Variants in SRSF8 observed in about 807,000 individuals in gnomAD.
SRSF8 encodes the protein serine and arginine rich splicing factor 8, also known as serine/arginine-rich splicing factor 8.
In SRSF8, 3 loss-of-function variants were observed where a neutral mutation model predicts 2.0. The observed-to-expected ratio is 1.47, with a 90% CI of 0.67 to 3.79. The LOEUF is 3.79. SRSF8 is among the 30% of genes most tolerant of loss of function. The pLI is 0.02. For missense variants in SRSF8, 408 were observed against 410.9 expected, an observed-to-expected ratio of 0.99 and a Z score of 0.06; for synonymous variants, 162 against 170.7, an observed-to-expected ratio of 0.95 and a Z score of 0.40.
chr11:95,067,557 G>C lies in SRSF8; in HGVS notation c.331G>C (p.Gly111Arg), dbSNP rs963177746. 8 of 1,541,260 alleles carry C rather than the reference G, an allele frequency of 5.2e-6. No homozygotes were observed. Among genetic ancestry groups the C allele is most frequent in the African/African-American group, 1.4e-5 (1 of 72,658 alleles). The change falls in exon 1 of 1, where the codon GGC becomes CGC. Residue 111 changes from glycine (G) to arginine (R), a missense_variant. Physicochemically the swap from Gly to Arg is moderately radical, Grantham distance 125 (BLOSUM62 -2). Transcript: ENST00000587424. Reference protein sequence around the residue: ...RQGEPRGRSRGGGYGRRSRSY... With the variant: ...RQGEPRGRSRRGGYGRRSRSY... ...GGGAGAGCCACGCGGCAGGTCCAGA[G>C]GCGGCGGCTACGGACGGCGGAGCCG...
In SRSF8 at chr11:95,069,513, T is replaced by G. The variant is rs1555107451; in HGVS notation, c.*1438T>G. ...ATTTATTCTTTCAATCATATGGATC[T>G]TCATTAATATTTTTGACTGAATTAT... On this transcript the variant is annotated 3_prime_UTR_variant, in exon 1 of 1. Transcript: ENST00000587424. 6.0e-6 allele frequency: 1 copy of G among 167,046 alleles called. No homozygotes were observed. Among genetic ancestry groups the G allele is most frequent in the East Asian group, 1.9e-4 (1 of 5,208 alleles). 10.3% of individuals were successfully genotyped at this position (167,046 alleles called of 1,614,324 possible).
chr11:95,067,658 C>T lies in SRSF8; in HGVS notation c.432C>T (p.Ser144=), dbSNP rs1858671133. ...CCCGGGGTCCCAGCTGCTCCAGGTC[C>T]CGCAGCCGATCTCGCTATAGGGGTT... The part of the protein sequence containing the change: ...SRSRGPSCSR[S]RSRSRYRGSR... The change falls in exon 1 of 1, where the codon TCC becomes TCT. Residue 144 remains serine (S), a synonymous_variant. Transcript: ENST00000587424. The T allele has an allele frequency of 3.7e-6, 6 of 1,609,570 alleles. No homozygotes were observed. Among genetic ancestry groups the T allele is most frequent in the Non-Finnish European group, 5.1e-6 (6 of 1,177,982 alleles).
rs782055211 is a variant in SRSF8 at position 95,067,475 on chromosome 11, C to G, written c.249C>G (p.Arg83=). 29 of 1,474,940 alleles carry G rather than the reference C, an allele frequency of 2.0e-5. No homozygotes were observed. In the South Asian group the frequency reaches 2.9e-4, roughly 15 times the overall value. The allele number at this position is 1,474,940 out of a possible 1,614,324, so 91.4% of individuals were successfully genotyped here. A position where few individuals can be genotyped will look rare whatever the true frequency, so the allele number is the denominator to read the frequency against. ...TGGACGGGGCGGAGCTGGACGGACG[C>G]GAGCTGCGGGTGCAGGTGGCGCGCT... ...AAMDGAELDG[R]ELRVQVARYG... The change falls in exon 1 of 1, where the codon CGC becomes CGG. Residue 83 remains arginine, a synonymous_variant. Coordinates refer to ENST00000587424, the MANE Select transcript of SRSF8 (RefSeq NM_032102.4).
Position 95,067,441 on chromosome 11 carries a change from AGGCCGCCATGGACGG to A in SRSF8, c.219_233del (p.Ala74_Ala78del). On this transcript the variant is annotated inframe_deletion, in exon 1 of 1. Transcript: ENST00000587424. Reference sequence around the variant, plus strand: ...GACCGGCGCGACGCCCAAGACGCCGAGGCCGCCATGGACGGGGCGGAGCTGGACGGACGCGAGCTG... The same window carrying A: ...GACCGGCGCGACGCCCAAGACGCCGAGGCGGAGCTGGACGGACGCGAGCTG... The A allele has an allele frequency of 6.5e-7, 1 of 1,540,390 alleles. No individual in the cohort carries two copies. Among genetic ancestry groups the A allele is most frequent in the Non-Finnish European group, 8.7e-7 (1 of 1,143,806 alleles).
Position 95,067,086 on chromosome 11 carries a change from C to G in SRSF8, c.-141C>G. The G allele has an allele frequency of 1.2e-6, 1 of 804,680 alleles. No homozygotes were observed. Among genetic ancestry groups the G allele is most frequent in the Admixed American group, 4.0e-5 (1 of 25,222 alleles). 49.8% of individuals were successfully genotyped at this position (804,680 alleles called of 1,614,324 possible). On this transcript the variant is annotated 5_prime_UTR_variant, in exon 1 of 1. Transcript: ENST00000587424. ...GGAAGTTGCTGCTCCAGGGCGCTCCCTGCGGAGCTCCGCCGCCCGCCTCTC... is the reference window on the plus strand; with the variant it reads ...GGAAGTTGCTGCTCCAGGGCGCTCCGTGCGGAGCTCCGCCGCCCGCCTCTC...
Position 95,068,135 on chromosome 11 carries a change from C to CA in SRSF8, c.*61dup. On this transcript the variant is annotated 3_prime_UTR_variant, in exon 1 of 1. Transcript: ENST00000587424. ...ACTTGGGGGAAAAGGATCACATACTCAGTCTATGGAAGCAACGTCCCTGGA... is the reference window on the plus strand; with the variant it reads ...ACTTGGGGGAAAAGGATCACATACTCAAGTCTATGGAAGCAACGTCCCTGGA... 6.7e-7 allele frequency: 1 copy of CA among 1,496,282 alleles called. No homozygotes were observed. 92.7% of individuals were successfully genotyped at this position (1,496,282 alleles called of 1,614,324 possible). A position where few individuals can be genotyped will look rare whatever the true frequency, so the allele number is the denominator to read the frequency against.
Position 95,067,874 on chromosome 11 carries a change from T to C in SRSF8, c.648T>C (p.Thr216=), listed in dbSNP as rs573470678. 168 of 1,614,022 alleles carry C rather than the reference T, an allele frequency of 1.0e-4. No individual in the cohort carries two copies. In the East Asian group the frequency reaches 3.5e-3, roughly 34 times the overall value. The change falls in exon 1 of 1, where the codon ACT becomes ACC. Residue 216 remains threonine (T), a synonymous_variant. Transcript: ENST00000587424. ...SRSHSKSGSS[T]SSRSASTSKS... is the part of the protein sequence containing the mutation. The stretch of plus-strand genomic sequence containing the variant: ...CTCACTCGAAGTCTGGGTCCTCCAC[T>C]AGCTCTCGCTCTGCATCAACCTCCA...
rs1555107400 is a variant in SRSF8, at chr11:95,069,023, TTTGA to T, written c.*951_*954del. 1 of 166,940 alleles carries T rather than the reference TTTGA, an allele frequency of 6.0e-6. No individual in the cohort carries two copies. Among genetic ancestry groups the T allele is most frequent in the African/African-American group, 2.4e-5 (1 of 41,470 alleles). 10.3% of individuals were successfully genotyped at this position (166,940 alleles called of 1,614,324 possible). A position where few individuals can be genotyped will look rare whatever the true frequency, so the allele number is the denominator to read the frequency against. On this transcript the variant is annotated 3_prime_UTR_variant, in exon 1 of 1. Transcript: ENST00000587424. ...AAGTACTTATAACATGGTTTATCTT[TTTGA>T]TTATTAATTTTTTACGCTAACCATT...
chr11:95,068,193 C>T lies in SRSF8; in HGVS notation c.*118C>T. 2 of 1,047,912 alleles carry T rather than the reference C, an allele frequency of 1.9e-6. No individual in the cohort carries two copies. Among genetic ancestry groups the T allele is most frequent in the East Asian group, 2.6e-5 (1 of 38,202 alleles). 64.9% of individuals were successfully genotyped at this position (1,047,912 alleles called of 1,614,324 possible). ...GCTGCCTATTGAAAAGGTTGTGTCA[C>T]ACTTTTCTACCTTTTTGCCAGTTTG... On this transcript the variant is annotated 3_prime_UTR_variant, in exon 1 of 1. Coordinates refer to ENST00000587424, the MANE Select transcript of SRSF8 (RefSeq NM_032102.4).
chr11:95,067,862 T>C lies in SRSF8; in HGVS notation c.636T>C (p.Ser212=), dbSNP rs146704283. Residue 212 remains serine (S), a synonymous_variant, in exon 1 of 1, where the codon TCT becomes TCC. Coordinates refer to ENST00000587424, the MANE Select transcript of SRSF8 (RefSeq NM_032102.4). The stretch of plus-strand genomic sequence containing the variant: ...ACAGCAGCCGGTCTCACTCGAAGTC[T>C]GGGTCCTCCACTAGCTCTCGCTCTG... ...RYHSSRSHSK[S]GSSTSSRSAS... is the part of the protein sequence containing the mutation. 3.1e-3 allele frequency: 4,960 copies of C among 1,614,040 alleles called. 16 individuals carry two copies. The highest frequency in any genetic ancestry group is 3.7e-3 in the Non-Finnish European group (4,355 of 1,179,896).
chr11:95,068,361 G>A lies in SRSF8; in HGVS notation c.*286G>A, dbSNP rs1858685794. 5.3e-6 allele frequency: 2 copies of A among 380,470 alleles called. No homozygotes were observed. Among genetic ancestry groups the A allele is most frequent in the Admixed American group, 4.2e-5 (1 of 23,616 alleles). 23.6% of individuals were successfully genotyped at this position (380,470 alleles called of 1,614,324 possible). A position where few individuals can be genotyped will look rare whatever the true frequency, so the allele number is the denominator to read the frequency against. ...GCAAAAATTTATTTTTATTTCTATA[G>A]TGATGACTGTTTTGGTTTGAAATGA... On this transcript the variant is annotated 3_prime_UTR_variant, in exon 1 of 1. Transcript: ENST00000587424.
In SRSF8 at chr11:95,070,300, AGAGGTTGTGGT is replaced by A. The variant is rs1406123082; in HGVS notation, c.*2229_*2239del. The A allele has an allele frequency of 7.2e-6, 1 of 138,568 alleles. No individual in the cohort carries two copies. The highest frequency in any genetic ancestry group is 2.8e-5 in the African/African-American group (1 of 36,332). The allele number at this position is 138,568 out of a possible 1,614,324, so 8.6% of individuals were successfully genotyped here. ...GGATAATCGCTTGAAACCGGGAGAC[AGAGGTTGTGGT>A]GAGCCGAGATCACGCCATTGCACTC... is the stretch of plus-strand genomic sequence containing the variant. On this transcript the variant is annotated 3_prime_UTR_variant, in exon 1 of 1. Transcript: ENST00000587424.
In SRSF8 at chr11:95,067,894, C is replaced by T. The variant is rs1858678444; in HGVS notation, c.668C>T (p.Thr223Ile). The part of the protein sequence containing the change: ...GSSTSSRSAS[T>I]SKSSSARRSK... ...TCCACTAGCTCTCGCTCTGCATCAA[C>T]CTCCAAATCGAGCTCTGCGCGACGA... The change falls in exon 1 of 1, where the codon ACC becomes ATC. Residue 223 changes from threonine to isoleucine, a missense_variant. Coordinates refer to ENST00000587424, the MANE Select transcript of SRSF8 (RefSeq NM_032102.4). 3 of 1,613,900 alleles carry T rather than the reference C, an allele frequency of 1.9e-6. No individual in the cohort carries two copies. The highest frequency in any genetic ancestry group is 4.5e-5 in the East Asian group (2 of 44,888).
rs1555107599 is a variant in SRSF8, at chr11:95,070,350, A to AT, written c.*2275_*2276insT. 7.6e-6 allele frequency: 1 copy of AT among 131,828 alleles called. No individual in the cohort carries two copies. The highest frequency in any genetic ancestry group is 1.6e-5 in the Non-Finnish European group (1 of 61,886). 8.2% of individuals were successfully genotyped at this position (131,828 alleles called of 1,614,324 possible). ...GCCATTGCACTCCAGCCGGGGCAAC[A>AT]AGAGCAAAACTTCATCTCAAAAAAA... On this transcript the variant is annotated 3_prime_UTR_variant, in exon 1 of 1. Coordinates refer to ENST00000587424, the MANE Select transcript of SRSF8 (RefSeq NM_032102.4).
chr11:95,067,548 A>G lies in SRSF8; in HGVS notation c.322A>G (p.Arg108Gly). 1 of 1,527,390 alleles carries G rather than the reference A, an allele frequency of 6.5e-7. No individual in the cohort carries two copies. Among genetic ancestry groups the G allele is most frequent in the Non-Finnish European group, 8.8e-7 (1 of 1,139,328 alleles). The allele number at this position is 1,527,390 out of a possible 1,614,324, so 94.6% of individuals were successfully genotyped here. ...PRSRQGEPRG[R>G]SRGGGYGRRS... ...CAGCCGCCAGGGAGAGCCACGCGGCAGGTCCAGAGGCGGCGGCTACGGACG... is the reference window on the plus strand; with the variant it reads ...CAGCCGCCAGGGAGAGCCACGCGGCGGGTCCAGAGGCGGCGGCTACGGACG... Residue 108 changes from arginine (R) to glycine (G), a missense_variant, in exon 1 of 1, where the codon AGG becomes GGG. Physicochemically the swap from Arg to Gly is moderately radical, Grantham distance 125. Coordinates refer to ENST00000587424, the MANE Select transcript of SRSF8 (RefSeq NM_032102.4).
upstream of SRSF8, among the ~76,000 whole-genome samples, chr11:95,066,892 G>C (rs1555106860): frequency 2.0e-5 from 3 of 152,212 alleles, no homozygotes; most frequent in African/African-American, 4.8e-5. Context: ...AGGGTGGGAC[G>C]TCTAATGTAA....
rs1555107100 is a variant in SRSF8, at chr11:95,067,587, T to C, written c.361T>C (p.Tyr121His). The change falls in exon 1 of 1, where the codon TAC becomes CAC. Residue 121 changes from tyrosine (Y) to histidine (H), a missense_variant. By Grantham distance (83) the Tyr-to-His change is moderately conservative (BLOSUM62 2). Around this residue, in one of 2 missense-constraint regions of SRSF8, gnomAD observed 346 missense variants for 316.5 expected, o/e 1.09. Transcript: ENST00000587424. Reference sequence around the variant, plus strand: ...CGGCTACGGACGGCGGAGCCGCAGCTACGGGCGGCGGAGCCGCAGCCCCAG... The same window carrying C: ...CGGCTACGGACGGCGGAGCCGCAGCCACGGGCGGCGGAGCCGCAGCCCCAG... ...GGGYGRRSRS[Y>H]GRRSRSPRRR... is the part of the protein sequence containing the mutation. 58 of 1,485,246 alleles carry C rather than the reference T, an allele frequency of 3.9e-5. No homozygotes were observed. Among genetic ancestry groups the C allele is most frequent in the Non-Finnish European group, 5.2e-5 (57 of 1,097,118 alleles). The allele number at this position is 1,485,246 out of a possible 1,614,324, so 92.0% of individuals were successfully genotyped here.
chr11:95,068,099 C>T lies in SRSF8; in HGVS notation c.*24C>T, dbSNP rs1555107288. On this transcript the variant is annotated 3_prime_UTR_variant, in exon 1 of 1. Coordinates refer to ENST00000587424, the MANE Select transcript of SRSF8 (RefSeq NM_032102.4). ...AAGAAAATGATGCATCAGGAAGCAA[C>T]GTGATGGAGGACTTGGGGGAAAAGG... 2.5e-6 allele frequency: 4 copies of T among 1,585,930 alleles called. No individual in the cohort carries two copies. Among genetic ancestry groups the T allele is most frequent in the Non-Finnish European group, 2.6e-6 (3 of 1,159,996 alleles).
Position 95,067,631 on chromosome 11 carries a change from A to G in SRSF8, c.405A>G (p.Arg135=). The change falls in exon 1 of 1, where the codon CGA becomes CGG. Residue 135 remains arginine (R), a synonymous_variant. Coordinates refer to ENST00000587424, the MANE Select transcript of SRSF8 (RefSeq NM_032102.4). ...SRSPRRRHRS[R]SRGPSCSRSR... is the part of the protein sequence containing the mutation. Reference sequence around the variant, plus strand: ...GCCCCAGGCGGCGACACCGCAGCCGATCCCGGGGTCCCAGCTGCTCCAGGT... The same window carrying G: ...GCCCCAGGCGGCGACACCGCAGCCGGTCCCGGGGTCCCAGCTGCTCCAGGT... The G allele has an allele frequency of 6.3e-7, 1 of 1,589,386 alleles. No individual in the cohort carries two copies. The highest frequency in any genetic ancestry group is 1.1e-5 in the South Asian group (1 of 88,320).
Sources: gnomAD v4.1 joint callset for allele counts (sites outside exome capture counted in the v4.1 genomes callset) on GRCh38, gnomAD v4.1.1 for gene constraint, gnomAD v4.1.1 regional missense constraint, MANE v1.5 for transcripts, NCBI Gene and HGNC (gene_info 2026-07-23, HGNC 2026-07-21) for gene names.